The following MSI2 variants were observed in gnomAD, a reference collection of about 807,000 sequenced individuals.
The protein encoded by MSI2 is musashi RNA binding protein 2.
In MSI2, 17 loss-of-function variants were observed where a neutral mutation model predicts 45.6. The observed-to-expected ratio is 0.37, with a 90% CI of 0.26 to 0.56. MSI2 has a LOEUF of 0.56. Ranked by LOEUF, MSI2 falls within the 20% of genes least tolerant of loss-of-function variation. The probability of loss-of-function intolerance (pLI) is 0.77; values close to 1 mark genes in which losing one functional copy is unlikely to be tolerated. For synonymous variants in MSI2, 156 were observed against 158.2 expected, an observed-to-expected ratio of 0.99 and a Z score of 0.11; for missense variants, 293 against 444.2, an observed-to-expected ratio of 0.66 and a Z score of 3.06.
intron 5 of MSI2, among the ~76,000 whole-genome samples, chr17:57,381,315 C>G (rs1413265901): frequency 6.6e-6 from 1 of 152,148 alleles, no homozygotes; most frequent in East Asian, 1.9e-4. Flanking sequence ...ATCTGCCTGT[C>G]TCGGCCTCCC....
chr17:57,492,904 T>G (rs1052307662), intron 6 of MSI2, among the ~76,000 whole-genome samples: 1 of 152,232 alleles, frequency 6.6e-6, no homozygotes, highest in South Asian at 2.1e-4. Flanking sequence ...GCCTGGGTTC[T>G]CAGTCTTTTG....
chr17:57,256,780 C>A lies in MSI2; in HGVS notation c.38C>A (p.Ala13Asp). The A allele has an allele frequency of 6.8e-7, 1 of 1,479,472 alleles. No homozygotes were observed. Among genetic ancestry groups the A allele is most frequent in the Non-Finnish European group, 9.0e-7 (1 of 1,117,192 alleles). The allele number at this position is 1,479,472 out of a possible 1,614,324, so 91.6% of individuals were successfully genotyped here. Residue 13 changes from alanine (A) to aspartate (D), a missense_variant, in exon 1 of 14, where the codon GCC becomes GAC. Ala to Asp is a moderately radical substitution (Grantham distance 126, BLOSUM62 -2). Transcript: ENST00000284073. Reference protein sequence around the residue: ...ANGSQGTSGSANDSQHDPGKM... With the variant: ...ANGSQGTSGSDNDSQHDPGKM... ...GGGAGCCAAGGCACCTCGGGCAGCG[C>A]CAACGACTCCCAGCACGACCCCGGG...
At chr17:57,533,528 G>T (rs1209297143) in intron 7 of MSI2, among the ~76,000 whole-genome samples, 1 of 152,152 alleles carries the variant, frequency 6.6e-6, no homozygotes, top group Non-Finnish European at 1.5e-5. Flanking sequence ...GTATGTTTCT[G>T]GCCTTTAGCT....
At chr17:57,382,137 GTCAT>G (rs2083608265) in intron 5 of MSI2, among the ~76,000 whole-genome samples, 1 of 152,204 alleles carries the variant, frequency 6.6e-6, no homozygotes, top group Non-Finnish European at 1.5e-5. Flanking sequence ...CTTTAGGATG[GTCAT>G]TCATTCATTC....
chr17:57,510,344 C>T (rs2086325746), intron 6 of MSI2, among the ~76,000 whole-genome samples: 1 of 151,696 alleles, frequency 6.6e-6, no homozygotes, highest in Non-Finnish European at 1.5e-5. Context: ...TAACAAGATG[C>T]TCATAAGCCT....
chr17:57,507,921 T>C (rs1002313324), intron 6 of MSI2, among the ~76,000 whole-genome samples: 21 of 152,168 alleles, frequency 1.4e-4, no homozygotes, highest in Non-Finnish European at 2.8e-4. Context: ...CCTGAGATGA[T>C]AGGTGTGAGC....
At chr17:57,495,532 CAAAAAAAAA>C (rs56325646) in intron 6 of MSI2, among the ~76,000 whole-genome samples, 1 of 72,620 alleles carries the variant, frequency 1.4e-5, no homozygotes, top group Non-Finnish European at 2.4e-5. Context: ...GACTCTGTCT[CAAAAAAAAA>C]AAAAAAAAAA....
intron 6 of MSI2, among the ~76,000 whole-genome samples, chr17:57,445,313 A>G (rs79985579): frequency 6.6e-6 from 1 of 152,214 alleles, no homozygotes; most frequent in Admixed American, 6.5e-5. Flanking sequence ...CATTTTGTAC[A>G]TACAAGCCTT....
intron 10 of MSI2, among the ~76,000 whole-genome samples, chr17:57,645,490 C>T (rs986529447): frequency 1.3e-5 from 2 of 151,742 alleles, no homozygotes; most frequent in African/African-American, 4.8e-5. Context: ...GGCTGGAGTC[C>T]AGTGGCGCAA....
intron 5 of MSI2, among the ~76,000 whole-genome samples, chr17:57,318,253 C>T (rs992472470): frequency 1.3e-5 from 2 of 152,018 alleles, no homozygotes; most frequent in Non-Finnish European, 2.9e-5. Context: ...AGAGGAGGAC[C>T]ATAGAGGTGA....
chr17:57,545,591 G>A (rs1380536739), intron 7 of MSI2, among the ~76,000 whole-genome samples: 1 of 152,150 alleles, frequency 6.6e-6, no homozygotes, highest in East Asian at 1.9e-4. Context: ...CCGATGGGGG[G>A]ACCAGTAAAT....
At chr17:57,494,700 C>T (rs1327062451) in intron 6 of MSI2, among the ~76,000 whole-genome samples, 1 of 152,074 alleles carries the variant, frequency 6.6e-6, no homozygotes, top group African/African-American at 2.4e-5. Flanking sequence ...CTTTTTTCCT[C>T]AGTTGAGGAA....
intron 6 of MSI2, among the ~76,000 whole-genome samples, chr17:57,478,095 C>T (rs1479301973): frequency 6.6e-6 from 1 of 152,160 alleles, no homozygotes; most frequent in East Asian, 1.9e-4. Flanking sequence ...CTCGGGTCAT[C>T]TCCTCACGTG....
intron 10 of MSI2, among the ~76,000 whole-genome samples, chr17:57,634,498 G>A (rs1909687667): frequency 6.6e-6 from 1 of 151,968 alleles, no homozygotes; most frequent in Non-Finnish European, 1.5e-5. Flanking sequence ...AGCTCTCTAT[G>A]CTGTAAGGGT....
intron 5 of MSI2, among the ~76,000 whole-genome samples, chr17:57,282,779 C>T (rs1909531796): frequency 8.9e-6 from 1 of 112,582 alleles, no homozygotes; most frequent in African/African-American, 3.5e-5. Context: ...ATATTATTCA[C>T]TTTCTCTAAA....
downstream of MSI2, among the ~76,000 whole-genome samples, chr17:57,687,022 T>A (rs1440973414): frequency 1.4e-5 from 2 of 140,644 alleles, no homozygotes; most frequent in Non-Finnish European, 1.6e-5. Context: ...CCCCAAAAAA[T>A]TTTAGAAACA....
At chr17:57,433,837 C>T (rs1160797659) in intron 6 of MSI2, among the ~76,000 whole-genome samples, 2 of 152,224 alleles carry the variant, frequency 1.3e-5, no homozygotes, top group African/African-American at 4.8e-5. Context: ...CTCTGGCCCC[C>T]TCCTTCTCTG....
Position 57,679,861 on chromosome 17 carries a change from G to T in MSI2, c.*344G>T. ...TTGAATCACATTTGGTAGTGATTTT[G>T]ACTTAGTCCAGTAGTCACATAGCTT... On this transcript the variant is annotated 3_prime_UTR_variant, in exon 14 of 14. Transcript: ENST00000284073. The T allele has an allele frequency of 4.3e-6, 1 of 231,674 alleles. No individual in the cohort carries two copies. Among genetic ancestry groups the T allele is most frequent in the Non-Finnish European group, 8.5e-6 (1 of 117,234 alleles). 14.4% of individuals were successfully genotyped at this position (231,674 alleles called of 1,614,324 possible). A position where few individuals can be genotyped will look rare whatever the true frequency, so the allele number is the denominator to read the frequency against.
chr17:57,296,639 C>A (rs1339263475), intron 5 of MSI2, among the ~76,000 whole-genome samples: 1 of 152,030 alleles, frequency 6.6e-6, no homozygotes, highest in African/African-American at 2.4e-5. Context: ...CAACATGTAT[C>A]CTGGATTGGA....
Sources: allele counts gnomAD v4.1 joint callset (sites outside exome capture counted in the v4.1 genomes callset), GRCh38; gene constraint gnomAD v4.1.1; transcripts MANE v1.5; gene names NCBI Gene and HGNC (gene_info 2026-07-23, HGNC 2026-07-21).